The following DYM variants were observed in gnomAD, a reference collection of about 807,000 sequenced individuals.
The protein encoded by DYM is dyggve-Melchior-Clausen syndrome protein.
DYM carries 78 observed loss-of-function variants against 93.1 expected under a neutral mutation model. That is an observed-to-expected ratio of 0.84 (90% CI 0.70 to 1.01). The LOEUF is 1.01. Ranked by LOEUF, DYM falls within the 50% of genes least tolerant of loss-of-function variation. The pLI, the probability that DYM is intolerant of heterozygous loss-of-function variation, is 0.00. For synonymous variants in DYM, 321 were observed against 319.7 expected, an observed-to-expected ratio of 1.00 and a Z score of -0.04; for missense variants, 789 against 845.0, an observed-to-expected ratio of 0.93 and a Z score of 0.82.
intron 13 of DYM, among the ~76,000 whole-genome samples, chr18:49,212,924 C>CT (rs779183208): frequency 3.3e-5 from 5 of 152,114 alleles, no homozygotes; most frequent in Non-Finnish European, 5.9e-5. Context: ...ATACTTACAG[C>CT]TTGGGACATC....
intron 14 of DYM, among the ~76,000 whole-genome samples, chr18:49,189,610 T>C (rs899985304): frequency 1.3e-5 from 2 of 152,208 alleles, no homozygotes; most frequent in African/African-American, 4.8e-5. Flanking sequence ...CAGGCATAAG[T>C]GAGTTACATT....
intron 14 of DYM, among the ~76,000 whole-genome samples, chr18:49,207,465 T>C (rs1389609651): frequency 6.6e-6 from 1 of 152,222 alleles, no homozygotes; most frequent in East Asian, 1.9e-4. Context: ...TTGTGCCCAG[T>C]TGTTGGGTCA....
At chr18:49,353,477 T>C (rs1013042832) in intron 6 of DYM, among the ~76,000 whole-genome samples, 7 of 152,054 alleles carry the variant, frequency 4.6e-5, no homozygotes, top group African/African-American at 1.7e-4. Flanking sequence ...TGGGAAGTAG[T>C]ATCTTTAATT....
chr18:49,220,736 T>C (rs182512248), intron 13 of DYM, among the ~76,000 whole-genome samples: 19 of 152,200 alleles, frequency 1.2e-4, no homozygotes, highest in South Asian at 8.3e-4. Context: ...CTTCCTTACA[T>C]CTTATACAAA....
chr18:49,414,897 T>C (rs1240407062), intron 2 of DYM, among the ~76,000 whole-genome samples: 1 of 152,206 alleles, frequency 6.6e-6, no homozygotes, highest in Non-Finnish European at 1.5e-5. Flanking sequence ...AGCAGGGACT[T>C]TGTCACTCAT....
intron 2 of DYM, among the ~76,000 whole-genome samples, chr18:49,405,026 A>G (rs183981842): frequency 1.8e-4 from 28 of 151,714 alleles, no homozygotes; most frequent in African/African-American, 5.8e-4. Flanking sequence ...AAAAAAAAAA[A>G]AAAGAAAGAA....
At chr18:49,091,117 C>T (rs1037032053) in intron 17 of DYM, among the ~76,000 whole-genome samples, 10 of 152,186 alleles carry the variant, frequency 6.6e-5, no homozygotes, top group African/African-American at 2.4e-4. Context: ...TTATGGTCAA[C>T]AGGCCCATTG....
intron 16 of DYM, 80 bp from the exon 17 acceptor site, chr18:49,097,595 C>T: frequency 4.3e-6 from 5 of 1,167,256 alleles, no homozygotes; most frequent in South Asian, 1.3e-5. Context: ...ACATGGTAGT[C>T]AAACTATCAT....
At chr18:49,169,892 TAA>T (rs2088435186) in intron 14 of DYM, among the ~76,000 whole-genome samples, 1 of 151,986 alleles carries the variant, frequency 6.6e-6, no homozygotes, top group African/African-American at 2.4e-5. Flanking sequence ...ATTATCCAAA[TAA>T]AGAGATGAGG....
intron 13 of DYM, among the ~76,000 whole-genome samples, chr18:49,243,273 C>G (rs1335508138): frequency 6.6e-6 from 1 of 152,130 alleles, no homozygotes; most frequent in East Asian, 1.9e-4. Flanking sequence ...TTGCCAATGC[C>G]TGGAGATGTC....
At position 49,401,920 on chromosome 18, in the gene DYM, G is replaced by A. The variant is rs531575155; in HGVS notation, c.141-10275C>T. Among the ~76,000 whole-genome samples, 20 of 152,040 alleles carry A rather than the reference G, an allele frequency of 1.3e-4. No homozygotes were observed. The South Asian group carries it at 3.9e-3, about 30-fold the overall frequency. ...GCGCACCTGTAATCCCAGCTACTTG[G>A]GAGACTGAGGCAGGAGAATCACTTG... On this transcript the variant is annotated intron_variant, in intron 2 of 17. Transcript: ENST00000675505.
rs114666827 is a variant in DYM, at chr18:49,256,377, G to C, written c.1460+633C>G. 3.2e-3 allele frequency among the ~76,000 whole-genome samples: 489 copies of C among 152,280 alleles called. 4 individuals are homozygous for C. The highest frequency in any genetic ancestry group is 0.011 in the African/African-American group (445 of 41,538). ...TATGAGAAGGACTCAACAATCTACT[G>C]TTGCTGGCTTTGATAACAGAGGAAG... On this transcript the variant is annotated intron_variant, in intron 13 of 17. Coordinates refer to ENST00000675505, the MANE Select transcript of DYM (RefSeq NM_001353214.3).
At chr18:49,147,676 T>G (rs1056447776) in intron 15 of DYM, among the ~76,000 whole-genome samples, 5 of 151,746 alleles carry the variant, frequency 3.3e-5, no homozygotes, top group African/African-American at 1.2e-4. Flanking sequence ...TGGCAATCAT[T>G]AAAAAGTCAG....
chr18:49,219,123 A>G (rs911803167), intron 13 of DYM, among the ~76,000 whole-genome samples: 1 of 152,230 alleles, frequency 6.6e-6, no homozygotes, highest in East Asian at 1.9e-4. Flanking sequence ...GAATACTACA[A>G]ACACCTCTAC....
chr18:49,338,815 A>G (rs1017030040), intron 6 of DYM, among the ~76,000 whole-genome samples: 7 of 152,246 alleles, frequency 4.6e-5, no homozygotes, highest in Non-Finnish European at 7.3e-5. Flanking sequence ...GAAGAGTACA[A>G]TAAGTTTGTA....
At chr18:49,356,932 T>C (rs150373493) in intron 6 of DYM, among the ~76,000 whole-genome samples, 52 of 152,354 alleles carry the variant, frequency 3.4e-4, no homozygotes, top group Non-Finnish European at 5.9e-4. Flanking sequence ...CTAATAATTA[T>C]ATTCTTTTTT....
intron 15 of DYM, among the ~76,000 whole-genome samples, chr18:49,128,980 C>T (rs907479869): frequency 3.3e-5 from 5 of 152,046 alleles, no homozygotes; most frequent in African/African-American, 1.2e-4. Context: ...ATCTGTAAAC[C>T]TGTGTGTCAT....
At chr18:49,248,346 A>T (rs1461837695) in intron 13 of DYM, among the ~76,000 whole-genome samples, 1 of 152,198 alleles carries the variant, frequency 6.6e-6, no homozygotes, top group African/African-American at 2.4e-5. Context: ...TGTTATCCAG[A>T]TTTATTTTTA....
Position 49,390,933 on chromosome 18 carries a change from A to T in DYM, c.193+660T>A, listed in dbSNP as rs796148841. ...ATCTAAGTAAAACTGCCTGCATTTT[A>T]AAAATATATACAATTTCCTTCCAAT... On this transcript the variant is annotated intron_variant, in intron 3 of 17. Coordinates refer to ENST00000675505, the MANE Select transcript of DYM (RefSeq NM_001353214.3). 61 of 154,438 alleles carry T rather than the reference A, an allele frequency of 3.9e-4. 1 individual carries two copies. The highest frequency in any genetic ancestry group is 1.4e-3 in the African/African-American group (60 of 41,600). 9.6% of individuals were successfully genotyped at this position (154,438 alleles called of 1,614,324 possible). A position where few individuals can be genotyped will look rare whatever the true frequency, so the allele number is the denominator to read the frequency against.
Sources: allele counts gnomAD v4.1 joint callset (sites outside exome capture counted in the v4.1 genomes callset), GRCh38; gene constraint gnomAD v4.1.1; transcripts MANE v1.5; gene names NCBI Gene and HGNC (gene_info 2026-07-23, HGNC 2026-07-21).